Variants in NBAS observed in about 807,000 individuals in gnomAD.
NBAS encodes NAG/BC035112 fusion.
In NBAS, 219 loss-of-function variants were observed where a neutral mutation model predicts 302.5. The observed-to-expected ratio is 0.72, with a 90% CI of 0.65 to 0.81. The LOEUF is 0.81. Among genes scored for constraint, NBAS ranks in the 30% least tolerant of loss-of-function variants. NBAS has a pLI of 0.00. For synonymous variants in NBAS, 1,118 were observed against 1,021.6 expected, an observed-to-expected ratio of 1.09 and a Z score of -1.80; for missense variants, 2,932 against 2,841.6, an observed-to-expected ratio of 1.03 and a Z score of -0.72.
At chr2:15,246,703 G>A (rs1034622132) in intron 44 of NBAS, among the ~76,000 whole-genome samples, 8 of 152,194 alleles carry the variant, frequency 5.3e-5, no homozygotes, top group Admixed American at 2.0e-4. Context: ...ACCCTGGATC[G>A]GAAGTCATGC....
intron 9 of NBAS, among the ~76,000 whole-genome samples, chr2:15,533,699 T>C (rs1218912616): frequency 6.9e-6 from 1 of 144,516 alleles, no homozygotes; most frequent in African/African-American, 2.6e-5. Context: ...TGTGTGTGTG[T>C]GTGTGTGTGT....
chr2:14,874,394 A>C, the NBAS span, among the ~76,000 whole-genome samples: 2 of 151,766 alleles, frequency 1.3e-5, no homozygotes, highest in Non-Finnish European at 2.9e-5. Context: ...TGGGAGGCCA[A>C]GGTGGGCAGA....
At chr2:15,045,027 C>T in the NBAS span, among the ~76,000 whole-genome samples, 2 of 152,184 alleles carry the variant, frequency 1.3e-5, no homozygotes, top group African/African-American at 4.8e-5. Flanking sequence ...GGCAAGAGCC[C>T]ATTCTGACCA....
intron 27 of NBAS, among the ~76,000 whole-genome samples, 163 bp downstream of exon 27, chr2:15,396,250 G>C (rs1257898151): frequency 6.6e-6 from 1 of 152,102 alleles, no homozygotes; most frequent in African/African-American, 2.4e-5. Context: ...CACTACAATA[G>C]GGGTGCAGTG....
At chr2:15,405,348 G>A (rs1235930994) in intron 25 of NBAS, among the ~76,000 whole-genome samples, 1 of 152,102 alleles carries the variant, frequency 6.6e-6, no homozygotes, top group African/African-American at 2.4e-5. Flanking sequence ...TCATGTACAT[G>A]AAACATACTG....
the NBAS span, among the ~76,000 whole-genome samples, chr2:14,832,050 T>C: frequency 6.6e-6 from 1 of 152,176 alleles, no homozygotes; most frequent in African/African-American, 2.4e-5. Context: ...GGGTCAGGCC[T>C]AGAATGAGAG....
intron 4 of NBAS, 121 bp from the exon 5 acceptor site, chr2:15,553,594 T>G: frequency 1.1e-6 from 1 of 916,318 alleles, no homozygotes; most frequent in Non-Finnish European, 1.8e-6. Flanking sequence ...CATGCTTTAA[T>G]TATCCATCTT....
chr2:15,494,419 T>C (rs1222391485), intron 11 of NBAS, among the ~76,000 whole-genome samples: 1 of 152,236 alleles, frequency 6.6e-6, no homozygotes, highest in Non-Finnish European at 1.5e-5. Flanking sequence ...GCATTTATCA[T>C]ATAACTCAAC....
chr2:14,833,425 A>G, the NBAS span, among the ~76,000 whole-genome samples: 4 of 152,172 alleles, frequency 2.6e-5, no homozygotes, highest in Admixed American at 2.6e-4. Context: ...CTCATCTAGA[A>G]ATATTTCTCA....
At chr2:15,070,035 G>A in the NBAS span, among the ~76,000 whole-genome samples, 6,072 of 152,248 alleles carry the variant, frequency 0.04, 175 homozygotes, top group South Asian at 0.087. Flanking sequence ...AGAGTCCCCT[G>A]GCAGTATACT....
chr2:15,421,053 C>A (rs1160923095), intron 23 of NBAS, among the ~76,000 whole-genome samples: 1 of 152,078 alleles, frequency 6.6e-6, no homozygotes, highest in Non-Finnish European at 1.5e-5. Flanking sequence ...CTTCAACAGA[C>A]ACATGTTTTT....
Position 15,424,343 on chromosome 2 carries a change from G to C in NBAS, c.2549C>G (p.Ala850Gly). 1 of 1,613,976 alleles carries C rather than the reference G, an allele frequency of 6.2e-7. No individual in the cohort carries two copies. Among genetic ancestry groups the C allele is most frequent in the Non-Finnish European group, 8.5e-7 (1 of 1,179,962 alleles). ...CCGAGCATAATGCTCTATTTCCTCTGCTCTGGTCTGATACCAGTCCATAAC... is the reference window on the plus strand; with the variant it reads ...CCGAGCATAATGCTCTATTTCCTCTCCTCTGGTCTGATACCAGTCCATAAC... The part of the protein sequence containing the change: ...EKVMDWYQTR[A>G]EEIEHYARQV... The change falls in exon 23 of 52, where the codon GCA becomes GGA. Residue 850 changes from alanine (A) to glycine (G), a missense_variant. Coordinates refer to ENST00000281513, the MANE Select transcript of NBAS (RefSeq NM_015909.4).
chr2:14,954,134 TTA>T, the NBAS span, among the ~76,000 whole-genome samples: 2 of 152,172 alleles, frequency 1.3e-5, no homozygotes, highest in Non-Finnish European at 2.9e-5. Context: ...AAGGCAGAAA[TTA>T]TCTCATAAAT....
At chr2:15,416,813 GAA>G (rs199927157) in intron 24 of NBAS, among the ~76,000 whole-genome samples, 2 of 74,948 alleles carry the variant, frequency 2.7e-5, no homozygotes, top group Admixed American at 1.5e-4. Flanking sequence ...CTGAAAAAAA[GAA>G]AAAAAAAAAA....
chr2:15,332,456 G>A (rs982702985), intron 35 of NBAS, among the ~76,000 whole-genome samples: 1 of 152,032 alleles, frequency 6.6e-6, no homozygotes, highest in African/African-American at 2.4e-5. Context: ...ACATATGTAA[G>A]CTATATTAAC....
chr2:15,392,160 CA>C (rs1364693963), intron 28 of NBAS, among the ~76,000 whole-genome samples: 1 of 151,738 alleles, frequency 6.6e-6, no homozygotes, highest in East Asian at 1.9e-4. Context: ...ACATTATTTA[CA>C]TCACTTTAAA....
chr2:15,331,005 T>C (rs1011655512), intron 35 of NBAS, among the ~76,000 whole-genome samples: 1 of 152,130 alleles, frequency 6.6e-6, no homozygotes, highest in Non-Finnish European at 1.5e-5. Flanking sequence ...AAAAACCCCA[T>C]AGTGTATTAA....
rs746260729 is a variant in NBAS, at chr2:15,474,283, A to T, written c.1383T>A (p.Thr461=). The T allele has an allele frequency of 2.5e-6, 4 of 1,613,732 alleles. No homozygotes were observed. In the African/African-American group the frequency reaches 4.0e-5, roughly 16 times the overall value. Residue 461 remains threonine, a synonymous_variant, in exon 15 of 52, where the codon ACT becomes ACA. Transcript: ENST00000281513. ...KLAPKRSRLE[T]RAGEEDEGEE... ...CTCCTTCATCTTCTTCTCCAGCTCT[A>T]GTCTCCAAACGAGATCGTTTGGGGG... is the stretch of plus-strand genomic sequence containing the variant.
chr2:15,549,660 T>G (rs1664283248), intron 6 of NBAS, among the ~76,000 whole-genome samples: 1 of 152,034 alleles, frequency 6.6e-6, no homozygotes, highest in Non-Finnish European at 1.5e-5. Flanking sequence ...CCCAGGAGGT[T>G]GAGTCTGCAG....
Sources: gnomAD v4.1 joint callset for allele counts (sites outside exome capture counted in the v4.1 genomes callset) on GRCh38, gnomAD v4.1.1 for gene constraint, MANE v1.5 for transcripts, NCBI Gene and HGNC (gene_info 2026-07-23, HGNC 2026-07-21) for gene names.